The following CAST variants were observed in gnomAD, a reference collection of about 807,000 sequenced individuals.
CAST encodes calpastatin.
A neutral mutation model predicts 119.6 loss-of-function variants in CAST; 76 were observed. The ratio of observed to expected loss-of-function variants is 0.64; its 90% CI spans 0.53 to 0.77. The LOEUF (loss-of-function observed/expected upper bound fraction) is 0.77. CAST is among the 30% of genes least tolerant of loss of function. CAST has a pLI of 0.00. For synonymous variants in CAST, 319 were observed against 331.6 expected, an observed-to-expected ratio of 0.96 and a Z score of 0.41; for missense variants, 953 against 946.5, an observed-to-expected ratio of 1.01 and a Z score of -0.09.
the CAST span, among the ~76,000 whole-genome samples, chr5:95,991,497 G>GTTT: frequency 2.8e-3 from 184 of 64,936 alleles, no homozygotes; most frequent in East Asian, 3.7e-3. Context: ...AACAAGTTTT[G>GTTT]TTTTTTTTTT....
the CAST span, among the ~76,000 whole-genome samples, chr5:96,152,985 A>C: frequency 6.6e-6 from 1 of 152,248 alleles, no homozygotes; most frequent in African/African-American, 2.4e-5. Flanking sequence ...ATTTTAAAAA[A>C]TTGAATTAGG....
chr5:96,038,645 C>T, the CAST span, among the ~76,000 whole-genome samples: 1 of 148,692 alleles, frequency 6.7e-6, no homozygotes, highest in African/African-American at 2.5e-5. Flanking sequence ...TCTTGTAATA[C>T]TTTGCTGAGA....
intron 1 of CAST, among the ~76,000 whole-genome samples, chr5:96,532,391 T>C (rs1745705663): frequency 6.6e-6 from 1 of 151,978 alleles, no homozygotes; most frequent in Admixed American, 6.5e-5. Flanking sequence ...ACAATCAGGG[T>C]GTAAAGGAAA....
chr5:96,420,601 G>A, the CAST span, among the ~76,000 whole-genome samples: 3 of 151,846 alleles, frequency 2.0e-5, no homozygotes, highest in African/African-American at 4.9e-5. Context: ...CCCAGAAGTT[G>A]AGGCCAAGTC....
the CAST span, chr5:96,433,118 C>T: frequency 7.3e-7 from 1 of 1,371,404 alleles, no homozygotes; most frequent in Non-Finnish European, 1.0e-6. Context: ...GCCAGACAGA[C>T]TCCCCCTTCC....
intron 11 of CAST, among the ~76,000 whole-genome samples, chr5:96,738,252 G>A (rs905631572): frequency 6.6e-6 from 1 of 152,128 alleles, no homozygotes; most frequent in East Asian, 1.9e-4. Context: ...AACCCAGGAG[G>A]CAGAGGTTGC....
chr5:96,400,071 G>A, the CAST span: 7 of 1,614,068 alleles, frequency 4.3e-6, no homozygotes, highest in Non-Finnish European at 5.9e-6. Context: ...AATCCAAATC[G>A]ACTATTCACC....
At chr5:96,397,243 T>G in the CAST span, 235 of 1,091,118 alleles carry the variant, frequency 2.2e-4, no homozygotes, top group East Asian at 5.2e-3. Context: ...TACAATTCTT[T>G]AGGGCCCTAA....
intron 2 of CAST, among the ~76,000 whole-genome samples, chr5:96,685,418 T>C (rs1290857873): frequency 6.6e-6 from 1 of 152,230 alleles, no homozygotes; most frequent in Non-Finnish European, 1.5e-5. Flanking sequence ...ATCATACCCA[T>C]AGCAAGATAT....
the CAST span, among the ~76,000 whole-genome samples, chr5:96,352,350 A>G: frequency 6.6e-6 from 1 of 152,188 alleles, no homozygotes; most frequent in Non-Finnish European, 1.5e-5. Flanking sequence ...CACCTGACTC[A>G]TGAAATTTGC....
At chr5:96,097,457 C>T in the CAST span, among the ~76,000 whole-genome samples, 1 of 151,754 alleles carries the variant, frequency 6.6e-6, no homozygotes, top group Admixed American at 6.6e-5. Flanking sequence ...AACCTAGTTC[C>T]CATTAGTTAT....
chr5:96,458,782 T>C, the CAST span, among the ~76,000 whole-genome samples: 1 of 152,114 alleles, frequency 6.6e-6, no homozygotes. Flanking sequence ...TTTTTAGTAT[T>C]ATTAATTACT....
At chr5:96,462,037 G>A in the CAST span, among the ~76,000 whole-genome samples, 2 of 152,048 alleles carry the variant, frequency 1.3e-5, no homozygotes, top group Non-Finnish European at 2.9e-5. Flanking sequence ...AAAGAGCCCT[G>A]GCCTAGGAAT....
the CAST span, among the ~76,000 whole-genome samples, chr5:96,122,337 A>T: frequency 6.6e-6 from 1 of 152,170 alleles, no homozygotes; most frequent in African/African-American, 2.4e-5. Context: ...TGCAAAGATA[A>T]CTTTTCCTTT....
the CAST span, among the ~76,000 whole-genome samples, chr5:96,158,041 C>A: frequency 7.1e-6 from 1 of 140,618 alleles, no homozygotes; most frequent in Middle Eastern, 3.3e-3. Flanking sequence ...AATTCCAGTG[C>A]CCCCCTTACA....
At chr5:96,217,057 G>A in the CAST span, among the ~76,000 whole-genome samples, 1 of 151,910 alleles carries the variant, frequency 6.6e-6, no homozygotes, top group Non-Finnish European at 1.5e-5. Flanking sequence ...TAGTTTTTTA[G>A]AGACAAGGTC....
the CAST span, among the ~76,000 whole-genome samples, chr5:96,491,423 G>A: frequency 7.1e-5 from 10 of 141,262 alleles, no homozygotes; most frequent in Admixed American, 1.5e-4. Context: ...CCCGGGAGGC[G>A]GAGCTTGCAG....
chr5:96,771,421 G>A (rs1772278214), intron 30 of CAST, among the ~76,000 whole-genome samples: 1 of 152,040 alleles, frequency 6.6e-6, no homozygotes. Context: ...ATAAAGCTGA[G>A]AGTGATACAT....
rs1772952793 is a variant in CAST, at chr5:96,772,841, T to C, written c.*225T>C. 1 of 153,100 alleles carries C rather than the reference T, an allele frequency of 6.5e-6. No homozygotes were observed. The highest frequency in any genetic ancestry group is 2.4e-5 in the African/African-American group (1 of 41,434). 9.5% of individuals were successfully genotyped at this position (153,100 alleles called of 1,614,324 possible). A position where few individuals can be genotyped will look rare whatever the true frequency, so the allele number is the denominator to read the frequency against. On this transcript the variant is annotated 3_prime_UTR_variant, in exon 32 of 32. Coordinates refer to ENST00000675179, the MANE Select transcript of CAST (RefSeq NM_001750.7). ...CCTGTGTACTGAGTATTGATAAACT[T>C]TGAATTTTTTTAATTGCCTTCAATT...
Sources: gnomAD v4.1 joint callset for allele counts (sites outside exome capture counted in the v4.1 genomes callset) on GRCh38, gnomAD v4.1.1 for gene constraint, MANE v1.5 for transcripts, NCBI Gene and HGNC (gene_info 2026-07-23, HGNC 2026-07-21) for gene names.